GREB1L: variants seen among roughly 807,000 people sequenced by gnomAD.
The protein encoded by GREB1L is GREB1-like protein.
Under a neutral mutation model 200.8 loss-of-function variants are expected in GREB1L, and 17 were observed. That is an observed-to-expected ratio of 0.08 (90% confidence interval 0.06 to 0.13). The LOEUF is 0.13. GREB1L is among the 10% of genes least tolerant of loss of function. The probability of loss-of-function intolerance (pLI) is 1.00; values close to 1 mark genes in which losing one functional copy is unlikely to be tolerated. For synonymous variants in GREB1L, 789 were observed against 893.0 expected, an observed-to-expected ratio of 0.88 and a Z score of 2.08; for missense variants, 1,657 against 2,367.7, an observed-to-expected ratio of 0.70 and a Z score of 6.23.
At chr18:21,496,390 G>A in intron 20 of GREB1L, 64 bp from the exon 21 acceptor site, 2 of 1,513,796 alleles carry the variant, frequency 1.3e-6, no homozygotes. Context: ...AGATCACCAG[G>A]CACACATACA....
intron 17 of GREB1L, among the ~76,000 whole-genome samples, chr18:21,485,183 G>A (rs2036080247): frequency 6.6e-6 from 1 of 152,174 alleles, no homozygotes. Context: ...AAGCTTTTAT[G>A]AGTTATCATT....
chr18:21,254,828 T>C (rs2037776171), intron 1 of GREB1L, among the ~76,000 whole-genome samples: 1 of 151,982 alleles, frequency 6.6e-6, no homozygotes, highest in Non-Finnish European at 1.5e-5. Context: ...TTGACTGGAG[T>C]CAGAAAAAGG....
chr18:21,264,154 C>G (rs2037931060), intron 1 of GREB1L, among the ~76,000 whole-genome samples: 1 of 151,880 alleles, frequency 6.6e-6, no homozygotes, highest in South Asian at 2.1e-4. Context: ...AATCAAAGGG[C>G]CTGATCACAA....
At chr18:21,508,635 A>G (rs1436585502) in intron 27 of GREB1L, 44 bp downstream of exon 27, 1 of 1,490,378 alleles carries the variant, frequency 6.7e-7, no homozygotes, top group South Asian at 1.2e-5. Flanking sequence ...TCGAAGATAA[A>G]CTGAGCTCCA....
intron 11 of GREB1L, among the ~76,000 whole-genome samples, chr18:21,446,341 G>A (rs2034217105): frequency 6.6e-6 from 1 of 151,954 alleles, no homozygotes; most frequent in East Asian, 1.9e-4. Context: ...AATCTTAATA[G>A]CAATTTTTAA....
chr18:21,480,850 T>C (rs751327379), intron 17 of GREB1L, among the ~76,000 whole-genome samples: 4 of 151,902 alleles, frequency 2.6e-5, no homozygotes, highest in Non-Finnish European at 5.9e-5. Flanking sequence ...TGAAACCCCA[T>C]CCCTACTAAA....
chr18:21,345,114 T>G (rs1567944946), intron 1 of GREB1L, among the ~76,000 whole-genome samples: 3 of 152,214 alleles, frequency 2.0e-5, no homozygotes. Context: ...TAAGTACTAG[T>G]GAAGCCAAGT....
At chr18:21,489,921 A>G (rs2036265352) in intron 18 of GREB1L, 91 bp from the exon 19 acceptor site, 2 of 902,076 alleles carry the variant, frequency 2.2e-6, no homozygotes, top group Admixed American at 2.4e-5. Context: ...CCCCTTCCCC[A>G]CCATGCTTAA....
intron 9 of GREB1L, among the ~76,000 whole-genome samples, 167 bp from the exon 10 acceptor site, chr18:21,441,233 C>G (rs2033882100): frequency 6.6e-6 from 1 of 152,008 alleles, no homozygotes; most frequent in African/African-American, 2.4e-5. Flanking sequence ...TTTTTTTCTC[C>G]TTTTGTTTTT....
chr18:21,342,276 T>C (rs1479011100), intron 1 of GREB1L, among the ~76,000 whole-genome samples: 1 of 152,158 alleles, frequency 6.6e-6, no homozygotes, highest in Non-Finnish European at 1.5e-5. Flanking sequence ...AAAAGGCCAC[T>C]GTGTCTGGTT....
chr18:21,434,499 A>ATGTGTGTGTGTGTGTG, intron 7 of GREB1L, among the ~76,000 whole-genome samples: 1 of 127,282 alleles, frequency 7.9e-6, no homozygotes, highest in East Asian at 2.3e-4. Flanking sequence ...ATATATATAT[A>ATGTGTGTGTGTGTGTG]TGTGTGTGTG....
At chr18:21,353,773 G>T (rs1029936659) in intron 1 of GREB1L, among the ~76,000 whole-genome samples, 4 of 151,792 alleles carry the variant, frequency 2.6e-5, no homozygotes, top group African/African-American at 9.7e-5. Context: ...TTTATTTTTA[G>T]TGTCTCATAT....
chr18:21,431,010 A>G (rs2033111203), intron 7 of GREB1L, among the ~76,000 whole-genome samples: 1 of 147,756 alleles, frequency 6.8e-6, no homozygotes, highest in East Asian at 2.0e-4. Flanking sequence ...TTATTTATTT[A>G]TTTATTTATT....
intron 7 of GREB1L, among the ~76,000 whole-genome samples, chr18:21,416,586 C>T (rs750483339): frequency 4.0e-5 from 6 of 150,496 alleles, no homozygotes; most frequent in Non-Finnish European, 8.9e-5. Flanking sequence ...CCCAGCTACT[C>T]GGGAGGCTGA....
At chr18:21,400,052 T>G (rs1277138477) in intron 5 of GREB1L, among the ~76,000 whole-genome samples, 2 of 152,174 alleles carry the variant, frequency 1.3e-5, no homozygotes, top group African/African-American at 4.8e-5. Flanking sequence ...AATATTGCCT[T>G]TATACGATAT....
At chr18:21,338,358 A>G (rs774384003) in intron 1 of GREB1L, among the ~76,000 whole-genome samples, 1 of 152,274 alleles carries the variant, frequency 6.6e-6, no homozygotes, top group Non-Finnish European at 1.5e-5. Context: ...AGAGTGTTTC[A>G]TTGGCCACAC....
At chr18:21,280,568 G>GTATATGTATT (rs1291312958) in intron 1 of GREB1L, among the ~76,000 whole-genome samples, 1 of 152,024 alleles carries the variant, frequency 6.6e-6, no homozygotes. Flanking sequence ...TGTGGGTAAA[G>GTATATGTATT]TATATGTATT....
intron 1 of GREB1L, among the ~76,000 whole-genome samples, chr18:21,271,245 A>T (rs1355497149): frequency 6.6e-6 from 1 of 152,202 alleles, no homozygotes; most frequent in Admixed American, 6.5e-5. Flanking sequence ...TAATATTTAA[A>T]TAAAAATATC....
Position 21,245,694 on chromosome 18 carries a change from C to CT in GREB1L, c.-120+3308dup, listed in dbSNP as rs1359745264. Among the ~76,000 whole-genome samples the CT allele has an allele frequency of 5.4e-5, 8 of 149,394 alleles. No individual in the cohort carries two copies. The East Asian group carries it at 9.8e-4, about 18-fold the overall frequency. ...CAGCATAAAAAATGTAATGCCTATT[C>CT]TTTTTTTGTTTTGTTTTGTTTTGTT... On this transcript the variant is annotated intron_variant, in intron 1 of 32. Coordinates refer to ENST00000424526, the MANE Select transcript of GREB1L (RefSeq NM_001142966.3).
Sources: gnomAD v4.1 joint callset for allele counts (sites outside exome capture counted in the v4.1 genomes callset) on GRCh38, gnomAD v4.1.1 for gene constraint, MANE v1.5 for transcripts, NCBI Gene and HGNC (gene_info 2026-07-23, HGNC 2026-07-21) for gene names.